The following NAALADL2 variants were observed in gnomAD, a reference collection of about 807,000 sequenced individuals.
NAALADL2 encodes N-acetylated alpha-linked acidic dipeptidase like 2.
In NAALADL2, 76 loss-of-function variants were observed where a neutral mutation model predicts 87.2. That is an observed-to-expected ratio of 0.87 (90% CI 0.72 to 1.05). The LOEUF is 1.05. NAALADL2 is among the 50% of genes least tolerant of loss of function. The pLI is 0.00. For synonymous variants in NAALADL2, 354 were observed against 331.0 expected, an observed-to-expected ratio of 1.07 and a Z score of -0.75; for missense variants, 1,089 against 945.8, an observed-to-expected ratio of 1.15 and a Z score of -1.99.
intron 2 of NAALADL2, among the ~76,000 whole-genome samples, chr3:174,646,135 T>G (rs1373168600): frequency 6.6e-6 from 1 of 152,148 alleles, no homozygotes; most frequent in Non-Finnish European, 1.5e-5. Context: ...CAGCTGAGAC[T>G]ACACATCAAA....
At chr3:174,450,994 T>A (rs1004120962) in intron 1 of NAALADL2, among the ~76,000 whole-genome samples, 1 of 152,216 alleles carries the variant, frequency 6.6e-6, no homozygotes, top group Non-Finnish European at 1.5e-5. Context: ...TAAATGTTTT[T>A]TCAAAATTTT....
chr3:174,825,087 T>C (rs992259422), intron 3 of NAALADL2, among the ~76,000 whole-genome samples: 6 of 152,232 alleles, frequency 3.9e-5, no homozygotes, highest in African/African-American at 1.4e-4. Context: ...TGGCCCAGTG[T>C]ATTATTTTCC....
chr3:175,363,908 A>G (rs116078324), intron 5 of NAALADL2, among the ~76,000 whole-genome samples: 2,974 of 148,214 alleles, frequency 0.02, 261 homozygotes, highest in African/African-American at 0.07. Flanking sequence ...TGTATTAGAA[A>G]TTAGTTTCCT....
intron 12 of NAALADL2, among the ~76,000 whole-genome samples, chr3:175,740,454 T>C (rs930102041): frequency 1.3e-5 from 2 of 152,176 alleles, no homozygotes; most frequent in Admixed American, 6.5e-5. Context: ...TGGGACTTGC[T>C]AGGCCATATT....
At chr3:175,188,582 G>C (rs2109036837) in intron 2 of NAALADL2, among the ~76,000 whole-genome samples, 1 of 152,142 alleles carries the variant, frequency 6.6e-6, no homozygotes, top group Non-Finnish European at 1.5e-5. Flanking sequence ...CATCCTCCAG[G>C]CCAAATAGCT....
chr3:174,892,243 A>T (rs1238209281), intron 1 of NAALADL2, among the ~76,000 whole-genome samples: 1 of 152,326 alleles, frequency 6.6e-6, no homozygotes, highest in African/African-American at 2.4e-5. Flanking sequence ...CCAAGGACCA[A>T]TCCTGGAGAA....
intron 4 of NAALADL2, among the ~76,000 whole-genome samples, chr3:175,284,128 G>C (rs1754677785): frequency 6.6e-6 from 1 of 151,168 alleles, no homozygotes; most frequent in Non-Finnish European, 1.5e-5. Context: ...AATGGAACTG[G>C]AATGCCCTGG....
chr3:175,091,592 A>G (rs1159896455), intron 1 of NAALADL2, among the ~76,000 whole-genome samples: 6 of 152,072 alleles, frequency 3.9e-5, no homozygotes, highest in Non-Finnish European at 1.5e-5. Context: ...AAATATTATC[A>G]GTAACATTAC....
chr3:175,460,351 T>C (rs1722930663), intron 6 of NAALADL2, among the ~76,000 whole-genome samples: 1 of 152,178 alleles, frequency 6.6e-6, no homozygotes, highest in Admixed American at 6.6e-5. Context: ...TGCATGAGGA[T>C]GTAAATAAAG....
At chr3:175,558,642 G>A (rs191266037) in intron 9 of NAALADL2, among the ~76,000 whole-genome samples, 36 of 152,154 alleles carry the variant, frequency 2.4e-4, no homozygotes, top group Non-Finnish European at 4.1e-4. Flanking sequence ...TTTGCATATG[G>A]ACATCCAGTT....
At chr3:175,094,305 GA>G (rs899963648) in intron 1 of NAALADL2, among the ~76,000 whole-genome samples, 2 of 151,012 alleles carry the variant, frequency 1.3e-5, no homozygotes, top group Admixed American at 6.6e-5. Context: ...AGGCCAAAGA[GA>G]AAAAAAAATT....
chr3:174,739,535 G>C (rs533481518), intron 3 of NAALADL2, among the ~76,000 whole-genome samples: 9 of 152,144 alleles, frequency 5.9e-5, no homozygotes, highest in African/African-American at 2.2e-4. Context: ...TATGTAGACA[G>C]ATTTGAGTTA....
chr3:175,215,375 A>G (rs1742359965), intron 2 of NAALADL2, among the ~76,000 whole-genome samples: 1 of 152,020 alleles, frequency 6.6e-6, no homozygotes, highest in African/African-American at 2.4e-5. Flanking sequence ...GTCTCCTCCC[A>G]CGATAGCATT....
intron 5 of NAALADL2, among the ~76,000 whole-genome samples, chr3:175,334,973 G>T (rs190654154): frequency 6.6e-6 from 1 of 152,126 alleles, no homozygotes. Flanking sequence ...ACGTTGTGCC[G>T]TTGTGTGAAG....
chr3:175,028,443 T>A (rs151319519), intron 1 of NAALADL2, among the ~76,000 whole-genome samples: 4 of 152,096 alleles, frequency 2.6e-5, no homozygotes, highest in South Asian at 2.1e-4. Flanking sequence ...CTTAGCAGAA[T>A]TGGATTTAGA....
intron 2 of NAALADL2, among the ~76,000 whole-genome samples, chr3:174,731,609 C>G: frequency 6.6e-6 from 1 of 152,084 alleles, no homozygotes; most frequent in East Asian, 1.9e-4. Context: ...TCCAGTGATT[C>G]TCAAATTTTA....
chr3:174,921,291 A>C (rs1351327087), intron 1 of NAALADL2, among the ~76,000 whole-genome samples: 1 of 152,216 alleles, frequency 6.6e-6, no homozygotes, highest in Non-Finnish European at 1.5e-5. Flanking sequence ...TTTGCTGAAA[A>C]TATGTGCTCA....
At chr3:175,130,334 AC>A (rs538401551) in intron 2 of NAALADL2, among the ~76,000 whole-genome samples, 198 of 152,020 alleles carry the variant, frequency 1.3e-3, no homozygotes, top group African/African-American at 4.1e-3. Flanking sequence ...CTATGAAGAA[AC>A]TTTTTTAGTT....
intron 1 of NAALADL2, among the ~76,000 whole-genome samples, chr3:174,468,762 CTTTT>C (rs541184155): frequency 7.7e-6 from 1 of 130,132 alleles, no homozygotes; most frequent in Non-Finnish European, 1.7e-5. Flanking sequence ...TAACTATATT[CTTTT>C]TTTTTTTTTT....
Sources: gnomAD v4.1 joint callset for allele counts (sites outside exome capture counted in the v4.1 genomes callset) on GRCh38, gnomAD v4.1.1 for gene constraint, MANE v1.5 for transcripts, NCBI Gene and HGNC (gene_info 2026-07-23, HGNC 2026-07-21) for gene names.